The following UNC13B variants were observed in gnomAD, a reference collection of about 807,000 sequenced individuals.
UNC13B encodes protein unc-13 homolog B.
In UNC13B, 144 loss-of-function variants were observed where a neutral mutation model predicts 211.0. The observed-to-expected ratio is 0.68, with a 90% CI of 0.60 to 0.78. UNC13B has a LOEUF of 0.78. Ranked by LOEUF, UNC13B falls within the 30% of genes least tolerant of loss-of-function variation. The probability of loss-of-function intolerance (pLI) is 0.00; values close to 1 mark genes in which losing one functional copy is unlikely to be tolerated. For missense variants in UNC13B, 1,777 were observed against 2,002.0 expected, an observed-to-expected ratio of 0.89 and a Z score of 2.14; for synonymous variants, 709 against 725.8, an observed-to-expected ratio of 0.98 and a Z score of 0.37.
In UNC13B at chr9:35,390,678, C is replaced by G; in HGVS notation, c.11272C>G (p.His3758Asp). 6.2e-7 allele frequency: 1 copy of G among 1,614,120 alleles called. No homozygotes were observed. Among genetic ancestry groups the G allele is most frequent in the African/African-American group, 1.3e-5 (1 of 75,068 alleles). The change falls in exon 26 of 40, where the codon CAT becomes GAT. Residue 3758 changes from histidine to aspartate, a missense_variant. Physicochemically the swap from His to Asp is moderately conservative, Grantham distance 81. Coordinates refer to ENST00000635942, the MANE Select transcript of UNC13B (RefSeq NM_001371189.2). ...VGKVSAEVMW[H>D]LFAQDMKYAL... ...AAAAGTCAGCGCAGAAGTGATGTGG[C>G]ATTTGTTTGCCCAAGACATGAAATA...
intron 5 of UNC13B, among the ~76,000 whole-genome samples, chr9:35,241,975 TA>T (rs574704275): frequency 7.9e-5 from 12 of 152,308 alleles, no homozygotes; most frequent in African/African-American, 2.9e-4. Flanking sequence ...ATATTTGCTT[TA>T]TTCATGTGGC....
intron 11 of UNC13B, chr9:35,351,364 G>C: frequency 2.4e-6 from 3 of 1,227,104 alleles, no homozygotes; most frequent in Non-Finnish European, 3.0e-6. Context: ...GGCCATTCCA[G>C]GCAGCACTGT....
At chr9:35,358,079 C>T (rs1023851915) in intron 11 of UNC13B, among the ~76,000 whole-genome samples, 2 of 152,192 alleles carry the variant, frequency 1.3e-5, no homozygotes, top group African/African-American at 4.8e-5. Context: ...TTCCACTTAG[C>T]GTAATGTCCT....
At chr9:35,201,407 A>G (rs1281257253) in intron 1 of UNC13B, among the ~76,000 whole-genome samples, 2 of 152,186 alleles carry the variant, frequency 1.3e-5, no homozygotes, top group Non-Finnish European at 2.9e-5. Context: ...TTCAGAAGGA[A>G]TGGTACCAGC....
chr9:35,234,880 C>T (rs1784824387), intron 3 of UNC13B, among the ~76,000 whole-genome samples: 2 of 152,296 alleles, frequency 1.3e-5, no homozygotes, highest in Admixed American at 6.5e-5. Flanking sequence ...TATAGCACAA[C>T]AGGGAACCCA....
intron 7 of UNC13B, among the ~76,000 whole-genome samples, chr9:35,267,863 T>C (rs1272382922): frequency 1.3e-5 from 2 of 152,182 alleles, no homozygotes; most frequent in East Asian, 3.9e-4. Context: ...TCCTGTTACT[T>C]AGAGGCTTCT....
intron 3 of UNC13B, among the ~76,000 whole-genome samples, chr9:35,232,177 C>CCTTTTTTTT (rs1825241825): frequency 3.2e-5 from 1 of 31,538 alleles, no homozygotes; most frequent in Non-Finnish European, 5.9e-5. Flanking sequence ...TATATTGCTG[C>CCTTTTTTTT]TTTTTTTTTT....
chr9:35,201,590 C>G (rs773898481), intron 1 of UNC13B, among the ~76,000 whole-genome samples: 4 of 152,122 alleles, frequency 2.6e-5, no homozygotes, highest in Admixed American at 6.6e-5. Flanking sequence ...AGGAATTTAT[C>G]CTTTTCCTCT....
At chr9:35,244,472 A>G (rs1051999033) in intron 6 of UNC13B, among the ~76,000 whole-genome samples, 1 of 152,172 alleles carries the variant, frequency 6.6e-6, no homozygotes, top group African/African-American at 2.4e-5. Flanking sequence ...AGTTCTGTAG[A>G]CTGGAAGTCT....
chr9:35,202,772 C>T (rs1823390874), intron 1 of UNC13B, among the ~76,000 whole-genome samples: 2 of 151,170 alleles, frequency 1.3e-5, no homozygotes, highest in South Asian at 2.1e-4. Flanking sequence ...CTCCTGAATA[C>T]AGCACACTGA....
chr9:35,227,920 T>G, intron 1 of UNC13B, 95 bp from the exon 2 acceptor site: 1 of 1,028,226 alleles, frequency 9.7e-7, no homozygotes, highest in Non-Finnish European at 1.5e-6. Context: ...AATCTAAACC[T>G]AGTTCTAACA....
At chr9:35,348,278 A>T (rs1172557770) in intron 11 of UNC13B, among the ~76,000 whole-genome samples, 1 of 152,120 alleles carries the variant, frequency 6.6e-6, no homozygotes, top group Non-Finnish European at 1.5e-5. Context: ...CTGGCAATGA[A>T]TTCTGGGCCT....
At chr9:35,281,885 G>A (rs76663680) in intron 7 of UNC13B, among the ~76,000 whole-genome samples, 6,078 of 152,264 alleles carry the variant, frequency 0.04, 143 homozygotes, top group African/African-American at 0.056. Flanking sequence ...AAGGTACCTT[G>A]GGGTACTGCA....
At chr9:35,254,193 A>G (rs1181458046) in intron 6 of UNC13B, among the ~76,000 whole-genome samples, 1 of 152,220 alleles carries the variant, frequency 6.6e-6, no homozygotes, top group African/African-American at 2.4e-5. Context: ...TGAGTATTAG[A>G]AGGTGAGAAG....
chr9:35,215,882 T>C (rs1824221358), intron 1 of UNC13B, among the ~76,000 whole-genome samples: 1 of 152,234 alleles, frequency 6.6e-6, no homozygotes, highest in African/African-American at 2.4e-5. Context: ...TTTCCCTAAC[T>C]TACTTTATGA....
chr9:35,175,382 G>T (rs1821567061), intron 1 of UNC13B, among the ~76,000 whole-genome samples: 1 of 152,214 alleles, frequency 6.6e-6, no homozygotes, highest in African/African-American at 2.4e-5. Context: ...AGGGGCTGAT[G>T]CTGCCGCCAA....
intron 7 of UNC13B, among the ~76,000 whole-genome samples, chr9:35,275,623 C>T (rs753599535): frequency 1.1e-4 from 17 of 152,200 alleles, no homozygotes; most frequent in South Asian, 2.1e-4. Flanking sequence ...GATGGAGTCT[C>T]GCTTTGTTGC....
At position 35,310,919 on chromosome 9, in the gene UNC13B, A is replaced by T. The variant is rs1419588245; in HGVS notation, c.9323+138A>T. The T allele has an allele frequency of 4.0e-6, 3 of 758,708 alleles. No homozygotes were observed. The African/African-American group carries it at 5.3e-5, about 13-fold the overall frequency. The allele number at this position is 758,708 out of a possible 1,614,324, so 47.0% of individuals were successfully genotyped here. A position where few individuals can be genotyped will look rare whatever the true frequency, so the allele number is the denominator to read the frequency against. ...TTAACACCTCCAGGCTCAACTCTGT[A>T]TTGCTTCCTTTGATTTATGGTGCAC... is the stretch of plus-strand genomic sequence containing the variant. On this transcript the variant is annotated intron_variant, in intron 10 of 39. Transcript: ENST00000635942.
rs535655672 is a variant in UNC13B, at chr9:35,282,160, A to C, written c.527-13536A>C. Among the ~76,000 whole-genome samples the C allele has an allele frequency of 2.6e-5, 4 of 152,318 alleles. No homozygotes were observed. In the South Asian group the frequency reaches 6.2e-4, roughly 24 times the overall value. On this transcript the variant is annotated intron_variant, in intron 7 of 39. Coordinates refer to ENST00000635942, the MANE Select transcript of UNC13B (RefSeq NM_001371189.2). ...GGTAGAATATAACACAGATATATAG[A>C]CAACTTTATAAAACAAATGTTTAAA...
Sources: gnomAD v4.1 joint callset for allele counts (sites outside exome capture counted in the v4.1 genomes callset) on GRCh38, gnomAD v4.1.1 for gene constraint, MANE v1.5 for transcripts, NCBI Gene and HGNC (gene_info 2026-07-23, HGNC 2026-07-21) for gene names.